FAM161A: variants seen among roughly 807,000 people sequenced by gnomAD.
FAM161A encodes protein FAM161A.
A neutral mutation model predicts 70.9 loss-of-function variants in FAM161A; 57 were observed. That is an observed-to-expected ratio of 0.80 (90% CI 0.65 to 1.00). The LOEUF (loss-of-function observed/expected upper bound fraction) is 1.00. Ranked by LOEUF, FAM161A falls within the 50% of genes least tolerant of loss-of-function variation. The pLI, the probability that FAM161A is intolerant of heterozygous loss-of-function variation, is 0.00. For missense variants in FAM161A, 880 were observed against 836.0 expected (o/e 1.05, Z -0.65); for synonymous variants, 299 against 295.7 (o/e 1.01, Z -0.12).
At chr2:61,842,811 G>T (rs1256729753) in intron 1 of FAM161A, among the ~76,000 whole-genome samples, 4 of 152,174 alleles carry the variant, frequency 2.6e-5, no homozygotes, top group Admixed American at 6.5e-5. Context: ...TGGCTCCAAG[G>T]ACTGCCAGTG....
intron 1 of FAM161A, among the ~76,000 whole-genome samples, chr2:61,842,999 A>T (rs767624607): frequency 2.0e-5 from 3 of 152,200 alleles, no homozygotes; most frequent in Admixed American, 6.5e-5. Flanking sequence ...CAAAAGCAGT[A>T]GCTCCCATGG....
At chr2:61,810,360 C>A in the FAM161A span, among the ~76,000 whole-genome samples, 3 of 151,544 alleles carry the variant, frequency 2.0e-5, no homozygotes, top group African/African-American at 7.3e-5. Flanking sequence ...AGTCTCTCCA[C>A]GGAAAGAGAA....
At chr2:61,813,499 G>A in the FAM161A span, among the ~76,000 whole-genome samples, 3 of 138,400 alleles carry the variant, frequency 2.2e-5, no homozygotes, top group African/African-American at 8.1e-5. Flanking sequence ...AGTGAGCTGA[G>A]ATCATGACAC....
chr2:61,842,524 AC>A (rs1212764648), intron 1 of FAM161A, among the ~76,000 whole-genome samples, 164 bp from the exon 2 acceptor site: 1 of 152,206 alleles, frequency 6.6e-6, no homozygotes, highest in East Asian at 1.9e-4. Context: ...TGGGCTATGT[AC>A]ATTTTCCCCA....
the FAM161A span, among the ~76,000 whole-genome samples, chr2:61,808,883 T>C: frequency 6.6e-6 from 1 of 150,956 alleles, no homozygotes; most frequent in Non-Finnish European, 1.5e-5. Context: ...AATGTTGACT[T>C]TTTTTTTTGA....
the FAM161A span, among the ~76,000 whole-genome samples, chr2:61,816,930 AT>A: frequency 6.6e-6 from 1 of 152,278 alleles, no homozygotes; most frequent in East Asian, 1.9e-4. Context: ...CCAAGCAGGC[AT>A]TTTCCAAGTG....
intron 1 of FAM161A, among the ~76,000 whole-genome samples, chr2:61,847,867 T>A (rs1258194874): frequency 1.3e-5 from 2 of 152,116 alleles, no homozygotes; most frequent in African/African-American, 4.8e-5. Flanking sequence ...TAATGGCAGA[T>A]GTTCAAGGAA....
In FAM161A at chr2:61,827,161, T is replaced by C. The variant is rs376359887; in HGVS notation, c.1949A>G (p.Lys650Arg). Residue 650 changes from lysine (K) to arginine (R), a missense_variant, in exon 6 of 7, where the codon AAA (lysine) becomes AGA (arginine). Lys to Arg is a conservative substitution (Grantham distance 26). Coordinates refer to ENST00000404929, the MANE Select transcript of FAM161A (RefSeq NM_001201543.2). The stretch of plus-strand genomic sequence containing the variant: ...TTGATTGTTGAAGTACTCAAGTACT[T>C]TTCCACTTTGGCCTTTCTTTGAAAC... ...EFVSKKGQSG[K>R]VLEYFNNQET... The C allele has an allele frequency of 1.9e-6, 3 of 1,614,022 alleles. No individual in the cohort carries two copies. Among genetic ancestry groups the C allele is most frequent in the Non-Finnish European group, 2.5e-6 (3 of 1,180,010 alleles).
intron 1 of FAM161A, among the ~76,000 whole-genome samples, chr2:61,850,149 T>C (rs923520107): frequency 6.6e-6 from 1 of 151,914 alleles, no homozygotes; most frequent in Non-Finnish European, 1.5e-5. Flanking sequence ...GTAATCCCAG[T>C]ACTTTGGGAG....
At chr2:61,830,683 C>CAAA (rs10633119) in intron 5 of FAM161A, among the ~76,000 whole-genome samples, 3,620 of 81,834 alleles carry the variant, frequency 0.044, 193 homozygotes, top group Non-Finnish European at 0.06. Context: ...GACCCTGTCT[C>CAAA]AAAAAAAAAA....
intron 1 of FAM161A, among the ~76,000 whole-genome samples, chr2:61,852,930 ATTCCC>A (rs1673544701): frequency 7.2e-6 from 1 of 139,684 alleles, no homozygotes; most frequent in South Asian, 2.3e-4. Context: ...TAAATTCAAG[ATTCCC>A]ATCTTTTTTT....
At chr2:61,853,758 C>T in intron 1 of FAM161A, 101 bp downstream of exon 1, 1 of 1,357,050 alleles carries the variant, frequency 7.4e-7, no homozygotes, top group Non-Finnish European at 1.0e-6. Flanking sequence ...CACAGGGACC[C>T]GCGTTTACCA....
chr2:61,832,244 C>T, intron 5 of FAM161A, among the ~76,000 whole-genome samples: 1 of 141,156 alleles, frequency 7.1e-6, no homozygotes, highest in African/African-American at 2.6e-5. Flanking sequence ...CCCTGTCACA[C>T]ACACACAAAA....
At chr2:61,809,931 G>A in the FAM161A span, among the ~76,000 whole-genome samples, 1 of 152,160 alleles carries the variant, frequency 6.6e-6, no homozygotes, top group Non-Finnish European at 1.5e-5. Flanking sequence ...CCCATCTGAG[G>A]CCTTTTAAAT....
At chr2:61,819,875 G>A (rs867073598), downstream of FAM161A, among the ~76,000 whole-genome samples, 1 of 152,024 alleles carries the variant, frequency 6.6e-6, no homozygotes, top group Non-Finnish European at 1.5e-5. Flanking sequence ...AATGAATATT[G>A]TTATTTGCTT....
At chr2:61,814,757 C>T in the FAM161A span, among the ~76,000 whole-genome samples, 1 of 152,182 alleles carries the variant, frequency 6.6e-6, no homozygotes, top group Non-Finnish European at 1.5e-5. Context: ...GGACCCCCTT[C>T]ATGAATATTC....
downstream of FAM161A, among the ~76,000 whole-genome samples, chr2:61,821,835 T>A (rs1672209675): frequency 6.6e-6 from 1 of 152,002 alleles, no homozygotes; most frequent in Admixed American, 6.6e-5. Context: ...AGTGGCATGA[T>A]CTCAGCTCAC....
downstream of FAM161A, among the ~76,000 whole-genome samples, chr2:61,820,921 C>T (rs1672189392): frequency 6.6e-6 from 1 of 152,208 alleles, no homozygotes; most frequent in African/African-American, 2.4e-5. Flanking sequence ...AAGGAAGAAA[C>T]AAAAAGAATG....
rs755427067 is a variant in FAM161A at position 61,826,556 on chromosome 2, C to G, written c.2050G>C (p.Glu684Gln). ...EKIEERENGEENYFIDTNSQD... is the reference protein window; with the variant it reads ...EKIEERENGEQNYFIDTNSQD... ...CTGTTGGTATCAATAAAATAATTTT[C>G]TTCCCCATTCTCTCTTTCTTCTATT... Residue 684 changes from glutamate to glutamine, a missense_variant, in exon 7 of 7, where the codon GAA becomes CAA. Glu to Gln is a conservative substitution (Grantham distance 29). Transcript: ENST00000404929. The G allele has an allele frequency of 3.1e-6, 5 of 1,599,406 alleles. No individual in the cohort carries two copies. The East Asian group carries it at 1.1e-4, about 36-fold the overall frequency.
Sources: allele counts gnomAD v4.1 joint callset (sites outside exome capture counted in the v4.1 genomes callset), GRCh38; gene constraint gnomAD v4.1.1; transcripts MANE v1.5; gene names NCBI Gene and HGNC (gene_info 2026-07-23, HGNC 2026-07-21).